Variants in SNX24 observed in about 807,000 individuals in gnomAD.
The protein encoded by SNX24 is sorting nexin 24.
Under a neutral mutation model 28.7 loss-of-function variants are expected in SNX24, and 22 were observed. The observed-to-expected ratio is 0.77, with a 90% CI of 0.55 to 1.10. The LOEUF (loss-of-function observed/expected upper bound fraction) is 1.10. Ranked by LOEUF, SNX24 falls within the 50% of genes least tolerant of loss-of-function variation. The pLI is 0.00. For missense variants in SNX24, 221 were observed against 201.1 expected (o/e 1.10, Z -0.60); for synonymous variants, 69 against 71.5 (o/e 0.96, Z 0.18).
At chr5:122,885,189 C>T (rs1270110560) in intron 1 of SNX24, among the ~76,000 whole-genome samples, 2 of 151,896 alleles carry the variant, frequency 1.3e-5, no homozygotes, top group African/African-American at 4.8e-5. Context: ...GTGTCCAAAG[C>T]CAGTCCTCTG....
At chr5:122,872,524 T>C (rs973044690) in intron 1 of SNX24, among the ~76,000 whole-genome samples, 5 of 152,118 alleles carry the variant, frequency 3.3e-5, no homozygotes, top group African/African-American at 9.7e-5. Flanking sequence ...CACGATGATA[T>C]GAAAATCTGT....
intron 1 of SNX24, among the ~76,000 whole-genome samples, chr5:122,900,908 A>T (rs1211631901): frequency 6.6e-6 from 1 of 152,214 alleles, no homozygotes; most frequent in Admixed American, 6.5e-5. Flanking sequence ...ATGTCTTGAA[A>T]GGCAAAATAT....
At chr5:122,927,309 C>T (rs1019734307) in intron 1 of SNX24, among the ~76,000 whole-genome samples, 2 of 152,100 alleles carry the variant, frequency 1.3e-5, no homozygotes, top group East Asian at 3.9e-4. Context: ...CTAACCGCTG[C>T]GTTATACTGC....
At chr5:122,992,627 T>C (rs1163915748) in intron 3 of SNX24, among the ~76,000 whole-genome samples, 1 of 152,130 alleles carries the variant, frequency 6.6e-6, no homozygotes, top group African/African-American at 2.4e-5. Context: ...TTAATAGGGG[T>C]GCTTTGTTAC....
At chr5:122,900,013 G>T (rs751601107) in intron 1 of SNX24, among the ~76,000 whole-genome samples, 1 of 151,830 alleles carries the variant, frequency 6.6e-6, no homozygotes, top group African/African-American at 2.4e-5. Flanking sequence ...GCAATATGGT[G>T]TGGGTTTTTT....
At chr5:122,866,304 C>T (rs1432159667) in intron 1 of SNX24, among the ~76,000 whole-genome samples, 1 of 152,136 alleles carries the variant, frequency 6.6e-6, no homozygotes, top group African/African-American at 2.4e-5. Flanking sequence ...TGAGTGCCAC[C>T]ATGCTGGCTA....
chr5:122,945,653 C>A (rs918796456), intron 2 of SNX24, among the ~76,000 whole-genome samples: 1 of 152,102 alleles, frequency 6.6e-6, no homozygotes, highest in Non-Finnish European at 1.5e-5. Context: ...GTTTTGATTT[C>A]TTTATATGAA....
At chr5:122,961,391 A>G (rs1760482886) in intron 3 of SNX24, among the ~76,000 whole-genome samples, 1 of 152,222 alleles carries the variant, frequency 6.6e-6, no homozygotes, top group African/African-American at 2.4e-5. Context: ...GGGATGTATA[A>G]TTTGAACTTT....
At chr5:123,005,667 C>G (rs976734186) in intron 6 of SNX24, among the ~76,000 whole-genome samples, 1 of 152,200 alleles carries the variant, frequency 6.6e-6, no homozygotes, top group Non-Finnish European at 1.5e-5. Context: ...AAAGGCATGT[C>G]TGCCACCGTC....
chr5:122,868,749 C>A (rs184878128), intron 1 of SNX24, among the ~76,000 whole-genome samples: 36 of 152,106 alleles, frequency 2.4e-4, no homozygotes, highest in Admixed American at 1.0e-3. Flanking sequence ...TCAAAGAGGT[C>A]CACTCACATT....
chr5:122,947,583 A>G (rs577895556), intron 3 of SNX24, among the ~76,000 whole-genome samples: 45 of 152,276 alleles, frequency 3.0e-4, no homozygotes, highest in Non-Finnish European at 4.6e-4. Flanking sequence ...AGCTTAAAGG[A>G]AATGGGGATT....
chr5:123,009,531 T>G (rs10044250), downstream of SNX24, among the ~76,000 whole-genome samples: 3,567 of 152,322 alleles, frequency 0.023, 169 homozygotes, highest in African/African-American at 0.081. Context: ...TTATGTAAAT[T>G]TTATTTCCCA....
downstream of SNX24, among the ~76,000 whole-genome samples, chr5:123,009,887 G>GT (rs1223051296): frequency 6.6e-6 from 1 of 152,242 alleles, no homozygotes; most frequent in Non-Finnish European, 1.5e-5. Context: ...AATACAGGGA[G>GT]TTAGGGGGCT....
chr5:122,958,275 C>T (rs112331735), intron 3 of SNX24, among the ~76,000 whole-genome samples: 2 of 150,644 alleles, frequency 1.3e-5, no homozygotes, highest in South Asian at 2.1e-4. Context: ...TTTTTTGAGA[C>T]AGAGTTTCAC....
At chr5:122,972,507 A>G (rs565593858) in intron 3 of SNX24, among the ~76,000 whole-genome samples, 1 of 152,242 alleles carries the variant, frequency 6.6e-6, no homozygotes, top group Non-Finnish European at 1.5e-5. Context: ...AGGCCGTTAC[A>G]TCGTTCGGTC....
intron 1 of SNX24, among the ~76,000 whole-genome samples, chr5:122,874,212 C>T (rs1039628032): frequency 2.0e-5 from 3 of 152,164 alleles, no homozygotes; most frequent in African/African-American, 7.2e-5. Flanking sequence ...GCCTCAGTTT[C>T]CTTATCTTAA....
intron 1 of SNX24, among the ~76,000 whole-genome samples, chr5:122,887,565 C>T (rs970367989): frequency 1.2e-4 from 18 of 152,100 alleles, no homozygotes; most frequent in African/African-American, 3.6e-4. Flanking sequence ...TTTCATTACT[C>T]GATTTCATAT....
chr5:122,992,683 G>T (rs555975716), intron 3 of SNX24, among the ~76,000 whole-genome samples: 1 of 152,262 alleles, frequency 6.6e-6, no homozygotes, highest in East Asian at 1.9e-4. Context: ...TACTAATTCA[G>T]TTTGTAATTT....
chr5:122,913,506 G>A (rs538698088), intron 1 of SNX24, among the ~76,000 whole-genome samples: 13 of 152,040 alleles, frequency 8.6e-5, no homozygotes, highest in East Asian at 3.9e-4. Context: ...CTTCCCAGAC[G>A]TGGTGGCTGC....
Sources: allele counts gnomAD v4.1 joint callset (sites outside exome capture counted in the v4.1 genomes callset), GRCh38; gene constraint gnomAD v4.1.1; transcripts MANE v1.5; gene names NCBI Gene and HGNC (gene_info 2026-07-23, HGNC 2026-07-21).